The following NSD2 variants were observed in gnomAD, a reference collection of about 807,000 sequenced individuals.
The protein encoded by NSD2 is histone-lysine N-methyltransferase NSD2.
NSD2 carries 12 observed loss-of-function variants against 139.0 expected under a neutral mutation model. The observed-to-expected ratio is 0.09, with a 90% CI of 0.06 to 0.14. The LOEUF is 0.14. Ranked by LOEUF, NSD2 falls within the 10% of genes least tolerant of loss-of-function variation. The pLI is 1.00. For synonymous variants in NSD2, 669 were observed against 648.7 expected (o/e 1.03, Z -0.48); for missense variants, 1,155 against 1,745.0 (o/e 0.66, Z 6.02).
At position 1,900,740 on chromosome 4, in the gene NSD2, G is replaced by T; in HGVS notation, c.86G>T (p.Gly29Val). ...ATGAAGCAGGCACCAGAAATCCTCGGCAGTGCCAACGGGAAGACTCCGAGC... is the reference window on the plus strand; with the variant it reads ...ATGAAGCAGGCACCAGAAATCCTCGTCAGTGCCAACGGGAAGACTCCGAGC... ...IKMKQAPEIL[G>V]SANGKTPSCE... The change falls in exon 2 of 22, where the codon GGC (glycine) becomes GTC (valine). Residue 29 changes from glycine (G) to valine (V), a missense_variant. Physicochemically the swap from Gly to Val is moderately radical, Grantham distance 109 (BLOSUM62 -3). This residue lies in a region of NSD2 where 246 missense variants were observed against 262.8 expected (regional missense o/e 0.94). Transcript: ENST00000508803. 2 of 1,614,082 alleles carry T rather than the reference G, an allele frequency of 1.2e-6. No individual in the cohort carries two copies. The highest frequency in any genetic ancestry group is 1.7e-6 in the Non-Finnish European group (2 of 1,180,024).
chr4:1,935,989 C>T (rs1457402688), intron 7 of NSD2, among the ~76,000 whole-genome samples: 1 of 152,178 alleles, frequency 6.6e-6, no homozygotes, highest in African/African-American at 2.4e-5. Context: ...AAAAAGTCAA[C>T]AGTTCATTAA....
At chr4:1,910,233 CT>C (rs3216203) in intron 3 of NSD2, among the ~76,000 whole-genome samples, 32 of 146,452 alleles carry the variant, frequency 2.2e-4, no homozygotes, top group East Asian at 1.4e-3. Context: ...TAGGCTCAAC[CT>C]TTTTTTTTTT....
At chr4:1,900,490 G>T in intron 1 of NSD2, 136 bp from the exon 2 acceptor site, 1 of 525,078 alleles carries the variant, frequency 1.9e-6, no homozygotes. Flanking sequence ...TCTGTGACCT[G>T]AATTATTATA....
At chr4:1,947,254 T>G in intron 9 of NSD2, 1 of 1,063,542 alleles carries the variant, frequency 9.4e-7, no homozygotes, top group Non-Finnish European at 1.1e-6. Context: ...TCATTTTACC[T>G]TTGACAAGGG....
Position 1,958,079 on chromosome 4 carries a change from C to G in NSD2, c.2985+43C>G. The stretch of plus-strand genomic sequence containing the variant: ...CGTGCACGCGTGTGGAGGGAGTCTT[C>G]CCCGAGGGCCGTGAGAGGTTCTTAG... On this transcript the variant is annotated intron_variant, in intron 16 of 21. Transcript: ENST00000508803. The surrounding 1 kb of genome is among the most constrained non-coding windows in gnomAD (Gnocchi z 4.6). The G allele has an allele frequency of 1.3e-6, 2 of 1,587,636 alleles. No individual in the cohort carries two copies. Among genetic ancestry groups the G allele is most frequent in the Non-Finnish European group, 1.7e-6 (2 of 1,161,116 alleles).
At chr4:1,946,468 G>A (rs1362940024) in intron 9 of NSD2, 62 of 639,130 alleles carry the variant, frequency 9.7e-5, no homozygotes, top group Admixed American at 5.5e-4. Context: ...ACAGGGTTTC[G>A]CCATATTGGC....
rs562124371 is a variant in NSD2 at position 1,979,878 on chromosome 4, G to A, written c.*969G>A. Reference sequence around the variant, plus strand: ...TGACTTTGCAGGGCGTGAGACCGCAGTCTGCTTAGAGCACAGGAAGTGACA... The same window carrying A: ...TGACTTTGCAGGGCGTGAGACCGCAATCTGCTTAGAGCACAGGAAGTGACA... On this transcript the variant is annotated 3_prime_UTR_variant, in exon 22 of 22. Transcript: ENST00000508803. 1.0e-3 allele frequency: 235 copies of A among 232,768 alleles called. 1 individual carries two copies. The highest frequency in any genetic ancestry group is 4.7e-3 in the African/African-American group (215 of 45,436). The allele number at this position is 232,768 out of a possible 1,614,324, so 14.4% of individuals were successfully genotyped here. A position where few individuals can be genotyped will look rare whatever the true frequency, so the allele number is the denominator to read the frequency against.
Position 1,959,676 on chromosome 4 carries a change from A to C in NSD2, c.3191A>C (p.Glu1064Ala). The stretch of plus-strand genomic sequence containing the variant: ...TGCTTCACCAAGCGCCAGTACCCAG[A>C]GACCAAGATCATCAAGACAGATGGC... ...NQCFTKRQYP[E>A]TKIIKTDGKG... The change falls in exon 17 of 22, where the codon GAG becomes GCG. Residue 1064 changes from glutamate (E) to alanine (A), a missense_variant. Glu to Ala is a moderately radical substitution (Grantham distance 107, BLOSUM62 -1). Around this residue, in one of 8 missense-constraint regions of NSD2, gnomAD observed 139 missense variants for 485.8 expected, o/e 0.29. Transcript: ENST00000508803. The C allele has an allele frequency of 6.2e-7, 1 of 1,614,098 alleles. No individual in the cohort carries two copies. Among genetic ancestry groups the C allele is most frequent in the Non-Finnish European group, 8.5e-7 (1 of 1,180,008 alleles).
intron 5 of NSD2, among the ~76,000 whole-genome samples, chr4:1,926,716 C>G (rs1344933094): frequency 6.6e-6 from 1 of 152,166 alleles, no homozygotes; most frequent in Non-Finnish European, 1.5e-5. Flanking sequence ...GGTGATCTGC[C>G]CACCTCGGCC....
In NSD2 at chr4:1,981,826, C is replaced by G. The variant is rs145672223; in HGVS notation, c.*2917C>G. ...ACTGTCAGTTGCCAAATATCTTGAT[C>G]CTATGAGTGTAGTTGATGACTGTTT... On this transcript the variant is annotated 3_prime_UTR_variant, in exon 22 of 22. Coordinates refer to ENST00000508803, the MANE Select transcript of NSD2 (RefSeq NM_001042424.3). 955 of 398,416 alleles carry G rather than the reference C, an allele frequency of 2.4e-3. 9 individuals carry two copies. Among genetic ancestry groups the G allele is most frequent in the African/African-American group, 0.017 (841 of 48,542 alleles). 24.7% of individuals were successfully genotyped at this position (398,416 alleles called of 1,614,324 possible).
At chr4:1,978,374 G>A (rs769628530) in intron 21 of NSD2, among the ~76,000 whole-genome samples, 2 of 152,230 alleles carry the variant, frequency 1.3e-5, no homozygotes, top group South Asian at 2.1e-4. Context: ...TCCTGCACCC[G>A]GCACAGCTCC....
chr4:1,951,120 G>A lies in NSD2; in HGVS notation c.1930G>A (p.Ala644Thr). The change falls in exon 10 of 22, where the codon GCA (alanine) becomes ACA (threonine). Residue 644 changes from alanine (A) to threonine (T), a missense_variant. Coordinates refer to ENST00000508803, the MANE Select transcript of NSD2 (RefSeq NM_001042424.3). ...DEPSESPYESADETQTEVSVS... is the reference protein window; with the variant it reads ...DEPSESPYESTDETQTEVSVS... Reference sequence around the variant, plus strand: ...GCCCTCGGAGTCCCCATACGAAAGTGCAGACGAAACACAAACTGAAGTATC... The same window carrying A: ...GCCCTCGGAGTCCCCATACGAAAGTACAGACGAAACACAAACTGAAGTATC... The A allele has an allele frequency of 1.2e-6, 2 of 1,614,238 alleles. No homozygotes were observed. The highest frequency in any genetic ancestry group is 1.7e-6 in the Non-Finnish European group (2 of 1,180,034).
At chr4:1,941,996 C>G in intron 9 of NSD2, 1 of 1,120,040 alleles carries the variant, frequency 8.9e-7, no homozygotes, top group Non-Finnish European at 1.1e-6. Context: ...TCCACACTGA[C>G]ACACACCCAT....
intron 7 of NSD2, 50 bp from the exon 8 acceptor site, chr4:1,938,392 TTTTCTTTTC>T: frequency 6.2e-6 from 8 of 1,289,884 alleles, no homozygotes; most frequent in Non-Finnish European, 8.2e-6. Flanking sequence ...TTTTTCCTTT[TTTTCTTTTC>T]TTTTTTTTTT....
chr4:1,960,894 A>G (rs1375268691), intron 17 of NSD2, 141 bp from the exon 18 acceptor site: 2 of 590,844 alleles, frequency 3.4e-6, no homozygotes, highest in Non-Finnish European at 6.2e-6. Flanking sequence ...TAATTTATGG[A>G]GACTTTGTAC....
chr4:1,951,025 C>T (rs1724167266), intron 9 of NSD2, 47 bp from the exon 10 acceptor site: 1 of 1,607,824 alleles, frequency 6.2e-7, no homozygotes, highest in Admixed American at 1.7e-5. Context: ...TGGCCACCCG[C>T]TGTGTTCTGC....
intron 2 of NSD2, 77 bp downstream of exon 2, chr4:1,901,328 G>A (rs1165238743): frequency 1.6e-5 from 21 of 1,277,236 alleles, no homozygotes; most frequent in Non-Finnish European, 2.0e-5. Flanking sequence ...GCACCTGCAC[G>A]AGTACTGGGG....
chr4:1,950,808 A>G (rs1724136036), intron 9 of NSD2, among the ~76,000 whole-genome samples: 1 of 152,272 alleles, frequency 6.6e-6, no homozygotes. Flanking sequence ...ATTTTAAGGA[A>G]TATGCCTCTT....
At chr4:1,894,534 T>C (rs1184270844) in intron 1 of NSD2, among the ~76,000 whole-genome samples, 1 of 151,886 alleles carries the variant, frequency 6.6e-6, no homozygotes, top group Non-Finnish European at 1.5e-5. Flanking sequence ...TTAGCCAGTG[T>C]GGTGGTGCAT....
Sources: allele counts gnomAD v4.1 joint callset (sites outside exome capture counted in the v4.1 genomes callset), GRCh38; gene constraint gnomAD v4.1.1; regional missense constraint gnomAD v4.1.1; non-coding constraint Gnocchi (gnomAD v3.1); transcripts MANE v1.5; gene names NCBI Gene and HGNC (gene_info 2026-07-23, HGNC 2026-07-21).